Variants in SLC43A1 observed in about 807,000 individuals in gnomAD.
SLC43A1 encodes solute carrier family 43 member 1.
SLC43A1 carries 31 observed loss-of-function variants against 59.5 expected under a neutral mutation model. The ratio of observed to expected loss-of-function variants is 0.52; its 90% CI spans 0.39 to 0.70. The LOEUF (loss-of-function observed/expected upper bound fraction) is 0.70, where lower values mean the gene tolerates loss of function less well. Among genes scored for constraint, SLC43A1 ranks in the 30% least tolerant of loss-of-function variants. SLC43A1 has a pLI of 0.00. For synonymous variants in SLC43A1, 259 were observed against 290.9 expected, an observed-to-expected ratio of 0.89 and a Z score of 1.12; for missense variants, 598 against 717.8, an observed-to-expected ratio of 0.83 and a Z score of 1.91.
At position 57,484,928 on chromosome 11, in the gene SLC43A1, T is replaced by C. The variant is rs1370029091; in HGVS notation, c.*168A>G. ...ACTTAGGGGGCGTTTTTGAAGGTTT[T>C]TTTTCCTCCTTTTTGCAGTCTTTAC... On this transcript the variant is annotated 3_prime_UTR_variant, in exon 15 of 15. Coordinates refer to ENST00000278426, the MANE Select transcript of SLC43A1 (RefSeq NM_003627.6). 4.8e-6 allele frequency: 4 copies of C among 839,648 alleles called. No homozygotes were observed. The highest frequency in any genetic ancestry group is 6.9e-6 in the Non-Finnish European group (4 of 579,714). 52.0% of individuals were successfully genotyped at this position (839,648 alleles called of 1,614,324 possible). A position where few individuals can be genotyped will look rare whatever the true frequency, so the allele number is the denominator to read the frequency against.
chr11:57,504,154 G>A (rs992820751), intron 2 of SLC43A1, among the ~76,000 whole-genome samples: 5 of 152,178 alleles, frequency 3.3e-5, no homozygotes, highest in South Asian at 2.1e-4. Flanking sequence ...CCGAGATCGC[G>A]CCACTGCACT....
chr11:57,513,685 C>A (rs1233074874), intron 2 of SLC43A1, among the ~76,000 whole-genome samples: 1 of 152,224 alleles, frequency 6.6e-6, no homozygotes, highest in Non-Finnish European at 1.5e-5. Flanking sequence ...AGCTCTAGAC[C>A]TGAGGCTGTC....
chr11:57,495,974 A>T, intron 7 of SLC43A1, 57 bp downstream of exon 7: 1 of 1,582,230 alleles, frequency 6.3e-7, no homozygotes, highest in Non-Finnish European at 8.6e-7. Context: ...TCCGTCTATC[A>T]TATCACCACA....
chr11:57,487,019 G>T, intron 14 of SLC43A1, 76 bp downstream of exon 14: 1 of 1,499,560 alleles, frequency 6.7e-7, no homozygotes, highest in South Asian at 1.2e-5. Flanking sequence ...AGTGAGGGAT[G>T]GCACCACATA....
chr11:57,486,670 G>A (rs1450749616), intron 14 of SLC43A1, among the ~76,000 whole-genome samples: 33 of 151,280 alleles, frequency 2.2e-4, no homozygotes, highest in Non-Finnish European at 8.8e-5. Context: ...TTAGCTGGGC[G>A]TGGTGGTGGG....
intron 11 of SLC43A1, among the ~76,000 whole-genome samples, chr11:57,489,962 G>T (rs1281763284): frequency 6.6e-6 from 1 of 152,190 alleles, no homozygotes; most frequent in African/African-American, 2.4e-5. Context: ...CGGCCCATGT[G>T]TCCTGGACAG....
intron 5 of SLC43A1, among the ~76,000 whole-genome samples, chr11:57,500,576 C>T (rs556265090): frequency 1.3e-5 from 2 of 152,232 alleles, no homozygotes; most frequent in African/African-American, 2.4e-5. Flanking sequence ...ACATACACCC[C>T]GACACACAGC....
rs200543370 is a variant in SLC43A1, at chr11:57,501,290, C to T, written c.194G>A (p.Arg65Lys). 33 of 1,611,458 alleles carry T rather than the reference C, an allele frequency of 2.0e-5. No homozygotes were observed. Among genetic ancestry groups the T allele is most frequent in the Non-Finnish European group, 5.9e-6 (7 of 1,180,032 alleles). ...GTCCTGCTGGTCACAGCCTGGCCAC[C>T]TGCGCTGCTCATCCTGGGTGGTGTT... ...STNTTQDEQR[R>K]WPGCDQQDEM... is the part of the protein sequence containing the mutation. The change falls in exon 3 of 15, where the codon AGG becomes AAG. Residue 65 changes from arginine (R) to lysine (K), a missense_variant. Coordinates refer to ENST00000278426, the MANE Select transcript of SLC43A1 (RefSeq NM_003627.6).
chr11:57,484,959 T>A lies in SLC43A1; in HGVS notation c.*137A>T. ...CTCCTTTTTGCAGTCTTTACAAAAATAGAACTTCTCTTGGTATTTATAAAT... is the reference window on the plus strand; with the variant it reads ...CTCCTTTTTGCAGTCTTTACAAAAAAAGAACTTCTCTTGGTATTTATAAAT... On this transcript the variant is annotated 3_prime_UTR_variant, in exon 15 of 15. Transcript: ENST00000278426. 6 of 1,103,016 alleles carry A rather than the reference T, an allele frequency of 5.4e-6. No individual in the cohort carries two copies. The highest frequency in any genetic ancestry group is 7.4e-6 in the Non-Finnish European group (6 of 810,124). The allele number at this position is 1,103,016 out of a possible 1,614,324, so 68.3% of individuals were successfully genotyped here.
intron 14 of SLC43A1, among the ~76,000 whole-genome samples, chr11:57,485,823 T>TA (rs911749072): frequency 2.6e-5 from 4 of 152,062 alleles, no homozygotes; most frequent in African/African-American, 7.2e-5. Flanking sequence ...AGATGTAAGT[T>TA]AAAAAAAAGT....
In SLC43A1 at chr11:57,501,819, G is replaced by A. The variant is rs140189598; in HGVS notation, c.155-490C>T. On this transcript the variant is annotated intron_variant, in intron 2 of 14. Transcript: ENST00000278426. ...GTTTGAGACCAGCCTGGGCAACATGGTAAAACCCCATCTCTAAATAAAAAA... is the reference window on the plus strand; with the variant it reads ...GTTTGAGACCAGCCTGGGCAACATGATAAAACCCCATCTCTAAATAAAAAA... Among the ~76,000 whole-genome samples, 5 of 152,228 alleles carry A rather than the reference G, an allele frequency of 3.3e-5. No homozygotes were observed. The East Asian group carries it at 9.7e-4, about 29-fold the overall frequency.
Position 57,487,120 on chromosome 11 carries a change from C to T in SLC43A1, c.1508G>A (p.Gly503Glu). 1 of 1,614,042 alleles carries T rather than the reference C, an allele frequency of 6.2e-7. No homozygotes were observed. Among genetic ancestry groups the T allele is most frequent in the Non-Finnish European group, 8.5e-7 (1 of 1,179,980 alleles). The change falls in exon 14 of 15, where the codon GGA becomes GAA. Residue 503 changes from glycine to glutamate, a missense_variant. Gly to Glu is a moderately conservative substitution (Grantham distance 98). Transcript: ENST00000278426. ...LQQPLFMAMV[G>E]PLKGEPFWVN... is the part of the protein sequence containing the mutation. ...CCAGAAGGGCTCTCCTTTCAGGGGT[C>T]CCACCATCGCCATGAAAAGTGGCTG...
intron 3 of SLC43A1, 41 bp from the exon 4 acceptor site, chr11:57,501,084 C>T (rs1944248615): frequency 6.2e-7 from 1 of 1,607,018 alleles, no homozygotes; most frequent in Non-Finnish European, 8.5e-7. Context: ...GGCCTGTGAG[C>T]ACCCCCCCTC....
intron 2 of SLC43A1, among the ~76,000 whole-genome samples, chr11:57,512,578 G>A (rs1944576623): frequency 6.6e-6 from 1 of 151,926 alleles, no homozygotes; most frequent in East Asian, 1.9e-4. Flanking sequence ...GGGGACAGTG[G>A]CAGGTGTCAA....
At chr11:57,489,042 G>A in intron 12 of SLC43A1, 53 bp from the exon 13 acceptor site, 2 of 1,569,570 alleles carry the variant, frequency 1.3e-6, no homozygotes, top group Non-Finnish European at 1.8e-6. Flanking sequence ...GGAGGCTGGA[G>A]GAAGGAGGGG....
At chr11:57,511,355 G>A (rs142120011) in intron 2 of SLC43A1, among the ~76,000 whole-genome samples, 1,909 of 151,990 alleles carry the variant, frequency 0.013, 40 homozygotes, top group African/African-American at 0.044. Context: ...TTGAGCCCAG[G>A]AGGTTGAAGC....
chr11:57,485,371 G>T, intron 14 of SLC43A1, 129 bp from the exon 15 acceptor site: 1 of 847,160 alleles, frequency 1.2e-6, no homozygotes, highest in Non-Finnish European at 1.8e-6. Flanking sequence ...TACTTATTAT[G>T]TGTAGTCATT....
chr11:57,503,635 T>C (rs1944323127), intron 2 of SLC43A1, among the ~76,000 whole-genome samples: 1 of 152,210 alleles, frequency 6.6e-6, no homozygotes, highest in Admixed American at 6.5e-5. Context: ...TCTACAGGTT[T>C]ATCTGCATTG....
intron 11 of SLC43A1, 139 bp from the exon 12 acceptor site, chr11:57,489,531 A>T: frequency 8.3e-6 from 8 of 960,086 alleles, no homozygotes; most frequent in South Asian, 1.6e-5. Flanking sequence ...TCTATGGGAA[A>T]CCCATAGAAA....
Sources: gnomAD v4.1 joint callset for allele counts (sites outside exome capture counted in the v4.1 genomes callset) on GRCh38, gnomAD v4.1.1 for gene constraint, MANE v1.5 for transcripts, NCBI Gene and HGNC (gene_info 2026-07-23, HGNC 2026-07-21) for gene names.